Variants in XPR1 observed in about 807,000 individuals in gnomAD.
XPR1 encodes xenotropic and polytropic retrovirus receptor 1.
In XPR1, 28 loss-of-function variants were observed where a neutral mutation model predicts 87.5. That is an observed-to-expected ratio of 0.32 (90% CI 0.24 to 0.44). The LOEUF (loss-of-function observed/expected upper bound fraction) is 0.44. XPR1 is among the 20% of genes least tolerant of loss of function. XPR1 has a pLI of 1.00. For synonymous variants in XPR1, 300 were observed against 306.1 expected, an observed-to-expected ratio of 0.98 and a Z score of 0.21; for missense variants, 559 against 862.3, an observed-to-expected ratio of 0.65 and a Z score of 4.41.
intron 2 of XPR1, among the ~76,000 whole-genome samples, chr1:180,723,607 G>A (rs974805474): frequency 1.3e-5 from 2 of 152,056 alleles, no homozygotes; most frequent in African/African-American, 4.8e-5. Flanking sequence ...ACATAATATA[G>A]TCCCATTCAG....
intron 2 of XPR1, among the ~76,000 whole-genome samples, chr1:180,746,290 G>A (rs1352411354): frequency 6.6e-6 from 1 of 152,042 alleles, no homozygotes; most frequent in African/African-American, 2.4e-5. Flanking sequence ...TCTCTTCTGA[G>A]TCTTCGGTGT....
At chr1:180,816,810 A>T (rs1650428294) in intron 7 of XPR1, among the ~76,000 whole-genome samples, 1 of 152,218 alleles carries the variant, frequency 6.6e-6, no homozygotes, top group Admixed American at 6.5e-5. Context: ...TGACTTACTG[A>T]TTTATGTATA....
At chr1:180,744,556 C>T (rs1028368040) in intron 2 of XPR1, among the ~76,000 whole-genome samples, 1 of 150,550 alleles carries the variant, frequency 6.6e-6, no homozygotes, top group African/African-American at 2.4e-5. Flanking sequence ...TAGATTGTAT[C>T]TTGGGCATTT....
intron 2 of XPR1, among the ~76,000 whole-genome samples, chr1:180,763,641 A>C (rs930603824): frequency 4.6e-5 from 7 of 152,238 alleles, no homozygotes; most frequent in African/African-American, 1.7e-4. Context: ...CATATGTGAC[A>C]TGGCAAAAAT....
intron 10 of XPR1, among the ~76,000 whole-genome samples, chr1:180,835,760 A>G (rs1168463674): frequency 6.6e-6 from 1 of 152,160 alleles, no homozygotes; most frequent in African/African-American, 2.4e-5. Context: ...TTAAAAAAAG[A>G]GGGGAGGTGG....
intron 2 of XPR1, among the ~76,000 whole-genome samples, chr1:180,752,285 A>T (rs958649948): frequency 6.6e-6 from 1 of 152,124 alleles, no homozygotes; most frequent in Non-Finnish European, 1.5e-5. Flanking sequence ...TTTAAAAAGG[A>T]TTATTTATTC....
chr1:180,808,739 G>A (rs942555906), intron 6 of XPR1, among the ~76,000 whole-genome samples: 4 of 151,930 alleles, frequency 2.6e-5, no homozygotes, highest in African/African-American at 9.7e-5. Context: ...TTAAAACCAC[G>A]GTAAGATAAT....
intron 2 of XPR1, among the ~76,000 whole-genome samples, chr1:180,780,951 A>G (rs1255214714): frequency 2.0e-5 from 3 of 151,846 alleles, no homozygotes; most frequent in Admixed American, 6.6e-5. Context: ...CAATCTATCA[A>G]TTTTTTTATT....
intron 11 of XPR1, among the ~76,000 whole-genome samples, chr1:180,844,751 T>C (rs1429433057): frequency 1.3e-5 from 2 of 152,238 alleles, no homozygotes; most frequent in Admixed American, 6.5e-5. Context: ...GTCTATTTCA[T>C]GTGTGTTCAT....
intron 1 of XPR1, among the ~76,000 whole-genome samples, chr1:180,664,455 G>C (rs1304336590): frequency 6.6e-6 from 1 of 152,170 alleles, no homozygotes; most frequent in East Asian, 1.9e-4. Flanking sequence ...GGCCTGGAAT[G>C]GGGGGCCTCG....
At chr1:180,716,205 C>T (rs1209778878) in intron 2 of XPR1, among the ~76,000 whole-genome samples, 1 of 151,894 alleles carries the variant, frequency 6.6e-6, no homozygotes, top group African/African-American at 2.4e-5. Context: ...GGCGCTGCCT[C>T]GAACTACTGG....
At chr1:180,804,515 T>G (rs577764032) in intron 4 of XPR1, among the ~76,000 whole-genome samples, 1 of 152,326 alleles carries the variant, frequency 6.6e-6, no homozygotes, top group South Asian at 2.1e-4. Flanking sequence ...TTTTTTCTAT[T>G]TTATTCTTGT....
intron 1 of XPR1, among the ~76,000 whole-genome samples, chr1:180,677,271 G>A (rs1303840172): frequency 3.3e-5 from 5 of 152,188 alleles, no homozygotes; most frequent in African/African-American, 7.2e-5. Flanking sequence ...TTGCAATAGC[G>A]AAAGAGTTTA....
intron 6 of XPR1, among the ~76,000 whole-genome samples, chr1:180,811,018 G>C (rs1422738545): frequency 6.6e-6 from 1 of 151,954 alleles, no homozygotes; most frequent in Admixed American, 6.6e-5. Flanking sequence ...TGTAAATGCT[G>C]TATAAATAGT....
Position 180,710,867 on chromosome 1 carries a change from G to T in XPR1, c.121+28456G>T, listed in dbSNP as rs573486467. On this transcript the variant is annotated intron_variant, in intron 2 of 14. Transcript: ENST00000367590. ...CCCTCCCGAACGGGGCAGCTGGCCG[G>T]GTGGGGGCTGCCCCCCACCTCCCAG... Among the ~76,000 whole-genome samples the T allele has an allele frequency of 5.0e-4, 76 of 151,596 alleles. No individual in the cohort carries two copies. The South Asian group carries it at 0.016, about 31-fold the overall frequency.
Position 180,743,224 on chromosome 1 carries a change from TG to T in XPR1, c.122-44521del, listed in dbSNP as rs1553243627. On this transcript the variant is annotated intron_variant, in intron 2 of 14. Transcript: ENST00000367590. ...TTCTGTTCATTTTCCCTTTTTTTTT[TG>T]GGGGGGGAGTATTTTAATATTTTTT... Among the ~76,000 whole-genome samples, 441 of 149,468 alleles carry T rather than the reference TG, an allele frequency of 3.0e-3. 2 individuals are homozygous for T. Among genetic ancestry groups the T allele is most frequent in the Non-Finnish European group, 5.6e-3 (376 of 67,410 alleles).
At chr1:180,686,815 A>G (rs1656798281) in intron 2 of XPR1, among the ~76,000 whole-genome samples, 1 of 152,208 alleles carries the variant, frequency 6.6e-6, no homozygotes, top group Non-Finnish European at 1.5e-5. Flanking sequence ...GATTTATAGT[A>G]GAAAGTCTCA....
Position 180,873,876 on chromosome 1 carries a change from C to G in XPR1, c.1742C>G (p.Ser581Cys), listed in dbSNP as rs769265993. 1.2e-6 allele frequency: 2 copies of G among 1,614,208 alleles called. No homozygotes were observed. Among genetic ancestry groups the G allele is most frequent in the African/African-American group, 1.3e-5 (1 of 75,072 alleles). ...TGGACTATCCAAATCTCGATTACCT[C>G]TACAACTTTGTTGCCTCATTCTGGG... is the stretch of plus-strand genomic sequence containing the variant. ...FAWTIQISITSTTLLPHSGDI... is the reference protein window; with the variant it reads ...FAWTIQISITCTTLLPHSGDI... The change falls in exon 13 of 15, where the codon TCT (serine) becomes TGT (cysteine). Residue 581 changes from serine (S) to cysteine (C), a missense_variant. Transcript: ENST00000367590.
At chr1:180,719,883 A>G (rs1398827028) in intron 2 of XPR1, among the ~76,000 whole-genome samples, 1 of 152,232 alleles carries the variant, frequency 6.6e-6, no homozygotes, top group Non-Finnish European at 1.5e-5. Context: ...TTGAGCAAAT[A>G]AAACACTGGA....
Sources: gnomAD v4.1 joint callset for allele counts (sites outside exome capture counted in the v4.1 genomes callset) on GRCh38, gnomAD v4.1.1 for gene constraint, MANE v1.5 for transcripts, NCBI Gene and HGNC (gene_info 2026-07-23, HGNC 2026-07-21) for gene names.